KIF13A: variants seen among roughly 807,000 people sequenced by gnomAD.
KIF13A encodes kinesin family member 13A, also known as kinesin-like protein KIF13A.
A neutral mutation model predicts 212.2 loss-of-function variants in KIF13A; 79 were observed. The ratio of observed to expected loss-of-function variants is 0.37; its 90% CI spans 0.31 to 0.45. The LOEUF (loss-of-function observed/expected upper bound fraction) is 0.45. KIF13A is among the 20% of genes least tolerant of loss of function. The pLI, the probability that KIF13A is intolerant of heterozygous loss-of-function variation, is 1.00. For missense variants in KIF13A, 1,901 were observed against 2,209.0 expected (o/e 0.86, Z 2.79); for synonymous variants, 789 against 808.6 (o/e 0.98, Z 0.41).
intron 38 of KIF13A, chr6:17,770,866 A>C (rs1310051038): frequency 1.7e-6 from 1 of 599,746 alleles, no homozygotes; most frequent in Non-Finnish European, 2.5e-6. Context: ...TAAAGGCCAG[A>C]AGCAATAAAA....
chr6:17,830,837 G>A (rs1241413451), intron 13 of KIF13A, among the ~76,000 whole-genome samples: 1 of 152,056 alleles, frequency 6.6e-6, no homozygotes, highest in African/African-American at 2.4e-5. Flanking sequence ...ATAAAGCTAG[G>A]CATCACCTCG....
intron 4 of KIF13A, among the ~76,000 whole-genome samples, chr6:17,864,874 T>C (rs1398592919): frequency 6.6e-6 from 1 of 152,164 alleles, no homozygotes; most frequent in East Asian, 1.9e-4. Flanking sequence ...AGCAATAGGC[T>C]CAAAGCCACC....
Position 17,771,643 on chromosome 6 carries a change from C to A in KIF13A, c.4476+265G>T. 2.6e-6 allele frequency: 1 copy of A among 387,670 alleles called. No homozygotes were observed. The highest frequency in any genetic ancestry group is 4.6e-6 in the Non-Finnish European group (1 of 217,428). 24.0% of individuals were successfully genotyped at this position (387,670 alleles called of 1,614,324 possible). A position where few individuals can be genotyped will look rare whatever the true frequency, so the allele number is the denominator to read the frequency against. ...AAGGCCTTTAATCTTTTCAAAACAC[C>A]TAGAAAACATCTTTCTCACTTGAAA... is the stretch of plus-strand genomic sequence containing the variant. On this transcript the variant is annotated intron_variant, in intron 37 of 38. Transcript: ENST00000259711. The surrounding 1 kb of genome is among the most constrained non-coding windows in gnomAD (Gnocchi z 5.4).
Position 17,984,618 on chromosome 6 carries a change from T to A in KIF13A, c.146+2436A>T. On this transcript the variant is annotated intron_variant, in intron 2 of 38. Coordinates refer to ENST00000259711, the MANE Select transcript of KIF13A (RefSeq NM_022113.6). This position sits in a 1 kb window ranked among gnomAD's most constrained non-coding sequence, Gnocchi z 5.0. ...TTTTTTTCCCTGGACGTCAATGCATTCTCACTTGTTTTTACTGGTAAGACT... is the reference window on the plus strand; with the variant it reads ...TTTTTTTCCCTGGACGTCAATGCATACTCACTTGTTTTTACTGGTAAGACT... The A allele has an allele frequency of 1.2e-6, 1 of 857,452 alleles. No homozygotes were observed. Among genetic ancestry groups the A allele is most frequent in the Non-Finnish European group, 1.4e-6 (1 of 713,308 alleles). The allele number at this position is 857,452 out of a possible 1,614,324, so 53.1% of individuals were successfully genotyped here. A position where few individuals can be genotyped will look rare whatever the true frequency, so the allele number is the denominator to read the frequency against.
In KIF13A at chr6:17,785,240, G is replaced by A. The variant is rs1760946535; in HGVS notation, c.3488+275C>T. Among the ~76,000 whole-genome samples, 1 of 152,138 alleles carries A rather than the reference G, an allele frequency of 6.6e-6. No individual in the cohort carries two copies. Among genetic ancestry groups the A allele is most frequent in the African/African-American group, 2.4e-5 (1 of 41,420 alleles). Reference sequence around the variant, plus strand: ...AGATAAAAGAGTTTCTGGGCATCAGGGAACAATGTCCAAGTTGCTTATGCA... The same window carrying A: ...AGATAAAAGAGTTTCTGGGCATCAGAGAACAATGTCCAAGTTGCTTATGCA... On this transcript the variant is annotated intron_variant, in intron 28 of 38. Transcript: ENST00000259711. The surrounding 1 kb of genome is among the most constrained non-coding windows in gnomAD (Gnocchi z 5.8).
chr6:17,867,716 C>G (rs1003104153), intron 4 of KIF13A, among the ~76,000 whole-genome samples: 1 of 152,134 alleles, frequency 6.6e-6, no homozygotes, highest in Non-Finnish European at 1.5e-5. Context: ...AAATAATGAA[C>G]CAATACAATA....
At chr6:17,847,824 T>A (rs372968056) in intron 9 of KIF13A, among the ~76,000 whole-genome samples, 61 of 152,282 alleles carry the variant, frequency 4.0e-4, no homozygotes, top group African/African-American at 1.0e-3. Context: ...TATTATTATT[T>A]TTTTGAGATG....
chr6:17,910,852 T>G (rs966859352), intron 2 of KIF13A, among the ~76,000 whole-genome samples: 1 of 152,184 alleles, frequency 6.6e-6, no homozygotes, highest in Non-Finnish European at 1.5e-5. Context: ...AAGCTCCGCC[T>G]CCTGGGTTCA....
chr6:17,790,193 G>C (rs1301426324), intron 25 of KIF13A, among the ~76,000 whole-genome samples: 4 of 152,184 alleles, frequency 2.6e-5, no homozygotes, highest in South Asian at 2.1e-4. Context: ...CTTGAAGCTA[G>C]AAGTTTGAGA....
intron 16 of KIF13A, among the ~76,000 whole-genome samples, chr6:17,823,125 C>T (rs1165829656): frequency 1.3e-5 from 2 of 151,900 alleles, no homozygotes; most frequent in Non-Finnish European, 2.9e-5. Context: ...CAACCTCCAC[C>T]TCCCGGGTTC....
At chr6:17,861,418 A>G (rs916676311) in intron 4 of KIF13A, among the ~76,000 whole-genome samples, 1 of 152,130 alleles carries the variant, frequency 6.6e-6, no homozygotes, top group African/African-American at 2.4e-5. Context: ...AATGGATGCA[A>G]TCAGTTCCCT....
chr6:17,939,964 T>C (rs568940165), intron 2 of KIF13A, among the ~76,000 whole-genome samples: 44 of 147,172 alleles, frequency 3.0e-4, no homozygotes, highest in African/African-American at 9.3e-4. Flanking sequence ...GGCGTGAACC[T>C]GGGAGGCGGA....
Position 17,926,462 on chromosome 6 carries a change from C to A in KIF13A, c.147-28282G>T, listed in dbSNP as rs946283846. ...TGGCCAGGCTGGTCTTGAACTCCAG[C>A]CTCAAGTGATCTGCCTGCCTCGGCC... On this transcript the variant is annotated intron_variant, in intron 2 of 38. Coordinates refer to ENST00000259711, the MANE Select transcript of KIF13A (RefSeq NM_022113.6). This position sits in a 1 kb window ranked among gnomAD's most constrained non-coding sequence, Gnocchi z 4.3. 1.3e-5 allele frequency among the ~76,000 whole-genome samples: 2 copies of A among 152,090 alleles called. No homozygotes were observed. The highest frequency in any genetic ancestry group is 4.8e-5 in the African/African-American group (2 of 41,426).
Position 17,849,584 on chromosome 6 carries a change from C to T in KIF13A, c.718-95G>A. 1.3e-6 allele frequency: 1 copy of T among 788,848 alleles called. No homozygotes were observed. Among genetic ancestry groups the T allele is most frequent in the East Asian group, 2.9e-5 (1 of 34,768 alleles). 48.9% of individuals were successfully genotyped at this position (788,848 alleles called of 1,614,324 possible). On this transcript the variant is annotated intron_variant, in intron 8 of 38. Coordinates refer to ENST00000259711, the MANE Select transcript of KIF13A (RefSeq NM_022113.6). The surrounding 1 kb of genome is among the most constrained non-coding windows in gnomAD (Gnocchi z 5.7). Reference sequence around the variant, plus strand: ...TTAGCACTATAATTGAGCAATCCATCCCACTCTCATATGGCAAATTTCTTA... The same window carrying T: ...TTAGCACTATAATTGAGCAATCCATTCCACTCTCATATGGCAAATTTCTTA...
At chr6:17,761,508 C>T (rs528753855), downstream of KIF13A, among the ~76,000 whole-genome samples, 51 of 152,150 alleles carry the variant, frequency 3.4e-4, 1 homozygote, top group South Asian at 3.1e-3. Context: ...CTCAGCCTCC[C>T]GAGTAGCTGG....
At chr6:17,875,787 C>T (rs1313319033) in intron 3 of KIF13A, among the ~76,000 whole-genome samples, 2 of 152,076 alleles carry the variant, frequency 1.3e-5, no homozygotes, top group Non-Finnish European at 2.9e-5. Flanking sequence ...ATTACCACCA[C>T]TTGTGTTCCA....
chr6:17,833,094 A>C (rs1398521940), intron 12 of KIF13A, among the ~76,000 whole-genome samples: 1 of 151,400 alleles, frequency 6.6e-6, no homozygotes, highest in African/African-American at 2.4e-5. Flanking sequence ...TATGAATGAC[A>C]TTTTCTGTAA....
rs1347123037 is a variant in KIF13A at position 17,934,075 on chromosome 6, A to G, written c.147-35895T>C. Among the ~76,000 whole-genome samples, 1 of 151,430 alleles carries G rather than the reference A, an allele frequency of 6.6e-6. No homozygotes were observed. The highest frequency in any genetic ancestry group is 1.5e-5 in the Non-Finnish European group (1 of 67,812). ...AATTGTGTCGTTAGGGTCAACTTTT[A>G]TTTTTTTTTGAAGAATGCGAAAAAG... is the stretch of plus-strand genomic sequence containing the variant. On this transcript the variant is annotated intron_variant, in intron 2 of 38. Transcript: ENST00000259711. This position sits in a 1 kb window ranked among gnomAD's most constrained non-coding sequence, Gnocchi z 5.4.
At chr6:17,841,999 A>ATGTGTGTG (rs373608113) in intron 9 of KIF13A, among the ~76,000 whole-genome samples, 3 of 108,718 alleles carry the variant, frequency 2.8e-5, no homozygotes, top group Non-Finnish European at 5.9e-5. Context: ...ATATACACAT[A>ATGTGTGTG]CGTGTGTGTG....
Sources: allele counts gnomAD v4.1 joint callset (sites outside exome capture counted in the v4.1 genomes callset), GRCh38; gene constraint gnomAD v4.1.1; non-coding constraint Gnocchi (gnomAD v3.1); transcripts MANE v1.5; gene names NCBI Gene and HGNC (gene_info 2026-07-23, HGNC 2026-07-21).